VPS13B: variants seen among roughly 807,000 people sequenced by gnomAD.
VPS13B encodes intermembrane lipid transfer protein VPS13B.
VPS13B carries 285 observed loss-of-function variants against 426.4 expected under a neutral mutation model. The observed-to-expected ratio is 0.67, with a 90% confidence interval of 0.61 to 0.74. The LOEUF is 0.74. VPS13B is among the 30% of genes least tolerant of loss of function. The probability of loss-of-function intolerance (pLI) is 0.00; values close to 1 mark genes in which losing one functional copy is unlikely to be tolerated. For missense variants in VPS13B, 4,537 were observed against 4,782.6 expected (o/e 0.95, Z 1.51); for synonymous variants, 1,676 against 1,676.4 (o/e 1.00, Z 0.01).
At chr8:99,495,172 T>C (rs1820819474) in intron 25 of VPS13B, among the ~76,000 whole-genome samples, 1 of 152,178 alleles carries the variant, frequency 6.6e-6, no homozygotes, top group Non-Finnish European at 1.5e-5. Flanking sequence ...CTAAACATAG[T>C]CTTCTTCATA....
chr8:99,144,604 T>C (rs1810605778), intron 13 of VPS13B, among the ~76,000 whole-genome samples: 1 of 152,178 alleles, frequency 6.6e-6, no homozygotes, highest in Non-Finnish European at 1.5e-5. Context: ...TTCCAATGAT[T>C]GTTCTGAGCA....
intron 31 of VPS13B, 27 bp from the exon 32 acceptor site, chr8:99,575,631 C>T: frequency 6.2e-7 from 1 of 1,613,186 alleles, no homozygotes; most frequent in Non-Finnish European, 8.5e-7. Context: ...AATGAAATGG[C>T]TAATAATCTT....
chr8:99,285,534 A>AT lies in VPS13B; in HGVS notation c.2824+10283dup, dbSNP rs146125572. 4.0e-3 allele frequency among the ~76,000 whole-genome samples: 606 copies of AT among 152,256 alleles called. 2 individuals carry two copies. Among genetic ancestry groups the AT allele is most frequent in the African/African-American group, 0.014 (583 of 41,546 alleles). The stretch of plus-strand genomic sequence containing the variant: ...ACTAGAAAATACGGACTATCTCATA[A>AT]TTTGTTTAAAGTATGTTTTATATGG... On this transcript the variant is annotated intron_variant, in intron 19 of 61. Coordinates refer to ENST00000357162, the MANE Select transcript of VPS13B (RefSeq NM_152564.5).
In VPS13B at chr8:99,177,651, G is replaced by T. The variant is rs1263818166; in HGVS notation, c.2333+7488G>T. Among the ~76,000 whole-genome samples, 5 of 152,346 alleles carry T rather than the reference G, an allele frequency of 3.3e-5. No homozygotes were observed. In the East Asian group the frequency reaches 9.6e-4, roughly 29 times the overall value. Reference sequence around the variant, plus strand: ...TTTTCCACATGGAATTTTATGGTCAGTTGGGGTGAAGTTGTATAGGCAAAT... The same window carrying T: ...TTTTCCACATGGAATTTTATGGTCATTTGGGGTGAAGTTGTATAGGCAAAT... On this transcript the variant is annotated intron_variant, in intron 16 of 61. Coordinates refer to ENST00000357162, the MANE Select transcript of VPS13B (RefSeq NM_152564.5).
chr8:99,737,907 A>T (rs372677867), intron 39 of VPS13B, among the ~76,000 whole-genome samples: 4 of 152,344 alleles, frequency 2.6e-5, no homozygotes, highest in African/African-American at 9.6e-5. Flanking sequence ...ATGGTTGCTT[A>T]TTCAATATAT....
rs1817665417 is a variant in VPS13B at position 99,875,636 on chromosome 8, A to AAAT, written c.11967_11969dup (p.Asn3989dup). 4 of 1,614,182 alleles carry AAAT rather than the reference A, an allele frequency of 2.5e-6. No homozygotes were observed. Among genetic ancestry groups the AAAT allele is most frequent in the East Asian group, 2.2e-5 (1 of 44,888 alleles). On this transcript the variant is annotated inframe_insertion, in exon 62 of 62. Transcript: ENST00000357162. ...TCCTTAGTAAATTTACCATGGTGAA[A>AAAT]AATAAAGCCCTGAGGAAAGGGTTTC... is the stretch of plus-strand genomic sequence containing the variant.
chr8:99,720,239 T>C (rs1006572541), intron 37 of VPS13B, 106 bp from the exon 38 acceptor site: 1 of 905,594 alleles, frequency 1.1e-6, no homozygotes, highest in African/African-American at 1.7e-5. Context: ...AGTAATTAAA[T>C]TGAACATAAT....
intron 33 of VPS13B, among the ~76,000 whole-genome samples, chr8:99,628,512 A>G (rs1367899184): frequency 6.6e-6 from 1 of 152,138 alleles, no homozygotes; most frequent in Non-Finnish European, 1.5e-5. Context: ...ACAAATATTT[A>G]TGAAGCACCT....
intron 19 of VPS13B, among the ~76,000 whole-genome samples, chr8:99,363,845 A>T (rs1247265162): frequency 6.6e-6 from 1 of 152,110 alleles, no homozygotes. Flanking sequence ...TGAATTTATC[A>T]GTTCTAATAG....
At chr8:99,455,101 A>T (rs1408489370) in intron 23 of VPS13B, among the ~76,000 whole-genome samples, 1 of 152,036 alleles carries the variant, frequency 6.6e-6, no homozygotes, top group Non-Finnish European at 1.5e-5. Flanking sequence ...AGAAATTTTT[A>T]ATTTTAGTAA....
At chr8:99,814,139 T>TA (rs1421240738) in intron 44 of VPS13B, among the ~76,000 whole-genome samples, 2 of 152,262 alleles carry the variant, frequency 1.3e-5, no homozygotes, top group East Asian at 3.9e-4. Flanking sequence ...GACCCCCATC[T>TA]AAAAATAGTG....
chr8:99,371,946 A>T (rs1813201910), intron 19 of VPS13B, among the ~76,000 whole-genome samples: 2 of 152,226 alleles, frequency 1.3e-5, no homozygotes, highest in African/African-American at 4.8e-5. Flanking sequence ...ACCATTCAGG[A>T]CATAGGCATG....
chr8:99,015,957 T>C (rs1240005674), intron 2 of VPS13B, among the ~76,000 whole-genome samples: 1 of 152,232 alleles, frequency 6.6e-6, no homozygotes, highest in Non-Finnish European at 1.5e-5. Context: ...ATCTGACTTC[T>C]GTCAACATAG....
At chr8:99,025,657 AG>A (rs528853133) in intron 2 of VPS13B, among the ~76,000 whole-genome samples, 60 of 152,236 alleles carry the variant, frequency 3.9e-4, no homozygotes, top group Non-Finnish European at 6.0e-4. Context: ...TCAAAAGTTT[AG>A]TGGAATTCAG....
intron 21 of VPS13B, among the ~76,000 whole-genome samples, chr8:99,414,709 T>G (rs1815893911): frequency 6.6e-6 from 1 of 152,250 alleles, no homozygotes; most frequent in Admixed American, 6.5e-5. Context: ...AATTTTGGGT[T>G]GAAAATTCTT....
At chr8:99,567,938 A>G (rs1825265109) in intron 31 of VPS13B, among the ~76,000 whole-genome samples, 1 of 152,168 alleles carries the variant, frequency 6.6e-6, no homozygotes, top group Non-Finnish European at 1.5e-5. Flanking sequence ...AATAAGAGTA[A>G]TTGGGAAATT....
At chr8:99,838,369 T>C (rs1177645980) in intron 54 of VPS13B, among the ~76,000 whole-genome samples, 1 of 152,188 alleles carries the variant, frequency 6.6e-6, no homozygotes, top group Admixed American at 6.5e-5. Flanking sequence ...ACCAGGAAAA[T>C]AGTTCAGACT....
chr8:99,208,330 T>G lies in VPS13B; in HGVS notation c.2515+15273T>G, dbSNP rs372048052. 6.2e-4 allele frequency among the ~76,000 whole-genome samples: 95 copies of G among 152,306 alleles called. 2 individuals carry two copies. The highest frequency in any genetic ancestry group is 2.2e-3 in the African/African-American group (91 of 41,574). On this transcript the variant is annotated intron_variant, in intron 17 of 61. Transcript: ENST00000357162. ...GCATGTGATTTGAGGGGATGACAAA[T>G]ATCCAACCCATATCACATATCATTA...
intron 17 of VPS13B, among the ~76,000 whole-genome samples, chr8:99,202,059 C>T (rs1361621855): frequency 1.3e-5 from 2 of 152,132 alleles, no homozygotes; most frequent in Non-Finnish European, 2.9e-5. Context: ...AATCATCCAT[C>T]TAAAGATATT....
Sources: allele counts gnomAD v4.1 joint callset (sites outside exome capture counted in the v4.1 genomes callset), GRCh38; gene constraint gnomAD v4.1.1; transcripts MANE v1.5; gene names NCBI Gene and HGNC (gene_info 2026-07-23, HGNC 2026-07-21).